The following TDRD5 variants were observed in gnomAD, a reference collection of about 807,000 sequenced individuals.
TDRD5 encodes tudor domain containing 5.
TDRD5 carries 41 observed loss-of-function variants against 120.6 expected under a neutral mutation model. The observed-to-expected ratio is 0.34, with a 90% CI of 0.26 to 0.44. The LOEUF is 0.44. Among genes scored for constraint, TDRD5 ranks in the 20% least tolerant of loss-of-function variants. The pLI, the probability that TDRD5 is intolerant of heterozygous loss-of-function variation, is 1.00. For synonymous variants in TDRD5, 430 were observed against 433.7 expected (o/e 0.99, Z 0.11); for missense variants, 1,006 against 1,221.2 (o/e 0.82, Z 2.63).
chr1:179,669,896 C>T (rs1031715373), intron 17 of TDRD5, among the ~76,000 whole-genome samples: 7 of 152,050 alleles, frequency 4.6e-5, no homozygotes, highest in Admixed American at 1.3e-4. Context: ...TTTAGAGTTT[C>T]GTTTATGTTG....
chr1:179,684,405 C>T (rs1388151908), intron 17 of TDRD5, among the ~76,000 whole-genome samples: 1 of 152,148 alleles, frequency 6.6e-6, no homozygotes, highest in African/African-American at 2.4e-5. Context: ...GCATAGTATT[C>T]CATGGTGTAT....
chr1:179,655,578 T>C (rs1678961547), intron 14 of TDRD5, among the ~76,000 whole-genome samples: 1 of 152,180 alleles, frequency 6.6e-6, no homozygotes, highest in African/African-American at 2.4e-5. Context: ...CTAAAATAAC[T>C]CCCTTGTGCT....
At chr1:179,598,345 G>A (rs527550561) in intron 4 of TDRD5, among the ~76,000 whole-genome samples, 3 of 152,190 alleles carry the variant, frequency 2.0e-5, no homozygotes, top group South Asian at 2.1e-4. Context: ...TTCTAGGTTT[G>A]CATTTGCAGA....
rs574119387 is a variant in TDRD5, at chr1:179,650,765, T to A, written c.1801-102T>A. ...ATTCTAGTACTTTTATGGTTTTATT[T>A]CCACTTAAATCTCTAGTTCATCAGA... On this transcript the variant is annotated intron_variant, in intron 11 of 17. Coordinates refer to ENST00000444136, the MANE Select transcript of TDRD5 (RefSeq NM_001199085.3). 49 of 1,204,458 alleles carry A rather than the reference T, an allele frequency of 4.1e-5. No individual in the cohort carries two copies. In the Admixed American group the frequency reaches 9.1e-4, roughly 22 times the overall value. 74.6% of individuals were successfully genotyped at this position (1,204,458 alleles called of 1,614,324 possible).
chr1:179,629,329 G>A (rs1677308955), intron 6 of TDRD5, among the ~76,000 whole-genome samples: 1 of 152,132 alleles, frequency 6.6e-6, no homozygotes, highest in South Asian at 2.1e-4. Context: ...TCAAATGGGA[G>A]ACTACCTGAA....
chr1:179,600,206 A>G (rs191816749), intron 4 of TDRD5, among the ~76,000 whole-genome samples: 5 of 152,284 alleles, frequency 3.3e-5, no homozygotes, highest in Middle Eastern at 3.4e-3. Flanking sequence ...GTAGTGTACA[A>G]TAATGTCCTA....
In TDRD5 at chr1:179,592,866, A is replaced by G. The variant is rs12121506; in HGVS notation, c.232+19A>G. 6.2e-7 allele frequency: 1 copy of G among 1,607,400 alleles called. No homozygotes were observed. The highest frequency in any genetic ancestry group is 1.7e-5 in the Admixed American group (1 of 59,974). On this transcript the variant is annotated intron_variant, in intron 2 of 17. Transcript: ENST00000444136. ...CTGAAAGGTAGGTTTAAGATTTTTGAAGGTCTATAAACTTTGTAATAAAAA... is the reference window on the plus strand; with the variant it reads ...CTGAAAGGTAGGTTTAAGATTTTTGGAGGTCTATAAACTTTGTAATAAAAA...
rs1329247399 is a variant in TDRD5 at position 179,593,599 on chromosome 1, A to G, written c.372A>G (p.Arg124=). 6.2e-7 allele frequency: 1 copy of G among 1,614,104 alleles called. No individual in the cohort carries two copies. Among genetic ancestry groups the G allele is most frequent in the Admixed American group, 1.7e-5 (1 of 60,010 alleles). Residue 124 remains arginine (R), a synonymous_variant, in exon 3 of 18, where the codon CGA becomes CGG. Coordinates refer to ENST00000444136, the MANE Select transcript of TDRD5 (RefSeq NM_001199085.3). ...GPRSHRRVPY[R]GRVAPILPAV... is the part of the protein sequence containing the mutation. ...GATCTCATCGGCGAGTACCTTACCG[A>G]GGAAGGGTTGCCCCTATTCTTCCAG...
At chr1:179,682,441 G>C (rs776486216) in intron 17 of TDRD5, among the ~76,000 whole-genome samples, 1 of 151,906 alleles carries the variant, frequency 6.6e-6, no homozygotes, top group Non-Finnish European at 1.5e-5. Context: ...TCCCCTCTCT[G>C]TGCCCATGTT....
intron 11 of TDRD5, among the ~76,000 whole-genome samples, chr1:179,643,043 A>G (rs902495166): frequency 6.6e-6 from 1 of 152,200 alleles, no homozygotes; most frequent in African/African-American, 2.4e-5. Context: ...ATGAGTTCCC[A>G]AATCATTATA....
chr1:179,689,091 G>T lies in TDRD5; in HGVS notation c.2861-1605G>T, dbSNP rs1308991721. 3.9e-5 allele frequency among the ~76,000 whole-genome samples: 6 copies of T among 152,166 alleles called. No homozygotes were observed. The East Asian group carries it at 1.2e-3, about 29-fold the overall frequency. ...CTCCATCCAGCTTTGTTCCATTGCT[G>T]GTGAGGAGCTGCGTTCCTTTGGAGG... On this transcript the variant is annotated intron_variant, in intron 17 of 17. Coordinates refer to ENST00000444136, the MANE Select transcript of TDRD5 (RefSeq NM_001199085.3).
In TDRD5 at chr1:179,690,738, G is replaced by A; in HGVS notation, c.2903G>A (p.Ser968Asn). 6.2e-7 allele frequency: 1 copy of A among 1,614,002 alleles called. No homozygotes were observed. The highest frequency in any genetic ancestry group is 8.5e-7 in the Non-Finnish European group (1 of 1,179,956). Residue 968 changes from serine to asparagine, a missense_variant, in exon 18 of 18, where the codon AGC (serine) becomes AAC (asparagine). Coordinates refer to ENST00000444136, the MANE Select transcript of TDRD5 (RefSeq NM_001199085.3). ...ATCCTAAAGAATGAAGATTTTTCTA[G>A]CAGCCGTGCTATTACATTGTACAAA... ...PEILKNEDFS[S>N]SRAITLYKDK...
At chr1:179,646,114 A>G (rs910972451) in intron 11 of TDRD5, among the ~76,000 whole-genome samples, 11 of 152,176 alleles carry the variant, frequency 7.2e-5, no homozygotes, top group Non-Finnish European at 1.2e-4. Context: ...TGTATACTAT[A>G]TGGTCTACCT....
Position 179,635,907 on chromosome 1 carries a change from A to G in TDRD5, c.1520+20A>G. On this transcript the variant is annotated intron_variant, in intron 9 of 17. Coordinates refer to ENST00000444136, the MANE Select transcript of TDRD5 (RefSeq NM_001199085.3). ...AATGCGGTAGGAGTCTGTTGTTTTC[A>G]ATGTGTTTTTCACATGTCTCTTAAA... The G allele has an allele frequency of 6.2e-7, 1 of 1,604,940 alleles. No individual in the cohort carries two copies. The highest frequency in any genetic ancestry group is 8.5e-7 in the Non-Finnish European group (1 of 1,173,964).
chr1:179,656,934 TC>T, intron 14 of TDRD5, among the ~76,000 whole-genome samples: 1 of 152,222 alleles, frequency 6.6e-6, no homozygotes, highest in East Asian at 1.9e-4. Context: ...GCACCTGTAA[TC>T]CCAGCTACTT....
intron 17 of TDRD5, among the ~76,000 whole-genome samples, chr1:179,683,562 A>C (rs1358824926): frequency 6.6e-6 from 1 of 152,214 alleles, no homozygotes; most frequent in Non-Finnish European, 1.5e-5. Flanking sequence ...AAAGTGTAGA[A>C]CATATACTAC....
At chr1:179,622,113 AAAAT>A (rs1235865113) in intron 6 of TDRD5, among the ~76,000 whole-genome samples, 1 of 152,210 alleles carries the variant, frequency 6.6e-6, no homozygotes, top group Non-Finnish European at 1.5e-5. Context: ...AAATGACTTA[AAAAT>A]AAGGCACTTA....
rs202002366 is a variant in TDRD5 at position 179,596,429 on chromosome 1, TA to T, written c.831+617del. On this transcript the variant is annotated intron_variant, in intron 4 of 17. Transcript: ENST00000444136. ...TATAATTATACAATCACCATCAAAA[TA>T]AAAAACAGAACATTTCCATCATCCC... Among the ~76,000 whole-genome samples the T allele has an allele frequency of 1.4e-3, 214 of 152,248 alleles. 5 individuals carry two copies. In the East Asian group the frequency reaches 0.036, roughly 26 times the overall value.
intron 17 of TDRD5, among the ~76,000 whole-genome samples, chr1:179,679,349 G>C (rs1680309439): frequency 6.6e-6 from 1 of 151,976 alleles, no homozygotes; most frequent in African/African-American, 2.4e-5. Flanking sequence ...TCTTTGTCTG[G>C]TTTTGGTATC....
Sources: allele counts gnomAD v4.1 joint callset (sites outside exome capture counted in the v4.1 genomes callset), GRCh38; gene constraint gnomAD v4.1.1; transcripts MANE v1.5; gene names NCBI Gene and HGNC (gene_info 2026-07-23, HGNC 2026-07-21).